The following CSMD1 variants were observed in gnomAD, a reference collection of about 807,000 sequenced individuals.
CSMD1 encodes CUB and sushi domain-containing protein 1.
CSMD1 carries 213 observed loss-of-function variants against 417.5 expected under a neutral mutation model. The ratio of observed to expected loss-of-function variants is 0.51; its 90% CI spans 0.46 to 0.57. The LOEUF (loss-of-function observed/expected upper bound fraction) is 0.57. CSMD1 is among the 20% of genes least tolerant of loss of function. The pLI, the probability that CSMD1 is intolerant of heterozygous loss-of-function variation, is 0.00. For synonymous variants in CSMD1, 2,862 were observed against 1,736.8 expected (o/e 1.65, Z -16.11); for missense variants, 6,923 against 4,529.7 (o/e 1.53, Z -15.17).
intron 1 of CSMD1, among the ~76,000 whole-genome samples, chr8:4,873,637 CTCCAT>C (rs922297192): frequency 6.6e-5 from 10 of 152,170 alleles, no homozygotes; most frequent in Non-Finnish European, 1.3e-4. Context: ...ATGTTCATTC[CTCCAT>C]TCAACTTTCC....
intron 1 of CSMD1, among the ~76,000 whole-genome samples, chr8:4,741,995 A>G (rs1471059719): frequency 3.3e-5 from 2 of 60,518 alleles, no homozygotes; most frequent in African/African-American, 1.3e-4. Flanking sequence ...GCACCACCAC[A>G]CCCACTTTTT....
At chr8:4,369,673 A>G (rs1802289394) in intron 3 of CSMD1, among the ~76,000 whole-genome samples, 1 of 152,086 alleles carries the variant, frequency 6.6e-6, no homozygotes, top group South Asian at 2.1e-4. Context: ...TGTTGAGTTG[A>G]GCCCTTTATC....
At chr8:2,963,180 C>T (rs760171448) in intron 60 of CSMD1, 42 bp downstream of exon 60, 3 of 1,602,482 alleles carry the variant, frequency 1.9e-6, no homozygotes, top group South Asian at 2.2e-5. Flanking sequence ...GTCCCTGTTG[C>T]AGACCTGCAG....
chr8:3,383,632 A>C (rs1239183523), intron 18 of CSMD1, among the ~76,000 whole-genome samples: 3 of 152,166 alleles, frequency 2.0e-5, no homozygotes, highest in Non-Finnish European at 2.9e-5. Flanking sequence ...AGAGAAGGAG[A>C]AGAACAACTC....
intron 3 of CSMD1, among the ~76,000 whole-genome samples, chr8:4,188,482 C>G (rs184253216): frequency 7.6e-4 from 115 of 152,190 alleles, no homozygotes; most frequent in African/African-American, 2.7e-3. Flanking sequence ...GGTCCATCAA[C>G]CATGGTTAAA....
intron 5 of CSMD1, among the ~76,000 whole-genome samples, chr8:3,996,207 C>A (rs368756172): frequency 6.6e-6 from 1 of 152,174 alleles, no homozygotes; most frequent in Non-Finnish European, 1.5e-5. Context: ...CCCAACCTGA[C>A]ATCTTACTAG....
rs1040738146 is a variant in CSMD1 at position 3,932,173 on chromosome 8, T to C, written c.818+65730A>G. ...TGCTGGAATGAAACTCAGATATTCC[T>C]AACTGTAGACACTGTTTCATCGATA... On this transcript the variant is annotated intron_variant, in intron 5 of 69. Coordinates refer to ENST00000635120, the MANE Select transcript of CSMD1 (RefSeq NM_033225.6). Among the ~76,000 whole-genome samples the C allele has an allele frequency of 6.0e-5, 9 of 150,426 alleles. 2 individuals carry two copies. Among genetic ancestry groups the C allele is most frequent in the African/African-American group, 2.0e-4 (8 of 40,754 alleles).
intron 10 of CSMD1, among the ~76,000 whole-genome samples, chr8:3,535,863 T>C (rs1362426467): frequency 6.6e-6 from 1 of 152,142 alleles, no homozygotes; most frequent in Non-Finnish European, 1.5e-5. Flanking sequence ...TTTGGCCCTG[T>C]TGTAGGTAGA....
At chr8:4,863,958 G>A (rs536743635) in intron 1 of CSMD1, among the ~76,000 whole-genome samples, 1 of 151,860 alleles carries the variant, frequency 6.6e-6, no homozygotes, top group Non-Finnish European at 1.5e-5. Flanking sequence ...TAAATGTCAA[G>A]ACATGATTGA....
At chr8:3,857,169 A>T (rs1804369572) in intron 5 of CSMD1, among the ~76,000 whole-genome samples, 1 of 152,194 alleles carries the variant, frequency 6.6e-6, no homozygotes, top group African/African-American at 2.4e-5. Flanking sequence ...TGGGATAATT[A>T]CATGGGCTTC....
chr8:3,468,338 A>G (rs1224739367), intron 12 of CSMD1, among the ~76,000 whole-genome samples: 1 of 152,160 alleles, frequency 6.6e-6, no homozygotes, highest in African/African-American at 2.4e-5. Context: ...AATTGTAAGT[A>G]TTTTCAGATT....
intron 1 of CSMD1, among the ~76,000 whole-genome samples, chr8:4,806,572 C>T (rs1158967613): frequency 7.2e-5 from 11 of 152,146 alleles, no homozygotes; most frequent in South Asian, 4.1e-4. Context: ...GAAATCTTGA[C>T]GATAATCATA....
At chr8:3,305,716 G>C (rs565707279) in intron 25 of CSMD1, among the ~76,000 whole-genome samples, 4 of 152,256 alleles carry the variant, frequency 2.6e-5, no homozygotes, top group African/African-American at 9.6e-5. Context: ...CAGTCTCACT[G>C]TTGCCCAGGT....
At chr8:4,386,957 A>G (rs1195836760) in intron 3 of CSMD1, among the ~76,000 whole-genome samples, 1 of 152,214 alleles carries the variant, frequency 6.6e-6, no homozygotes, top group South Asian at 2.1e-4. Context: ...ATGAAGTGTA[A>G]TATGTTACGA....
At chr8:4,111,238 C>T (rs1801838702) in intron 3 of CSMD1, among the ~76,000 whole-genome samples, 1 of 152,060 alleles carries the variant, frequency 6.6e-6, no homozygotes, top group African/African-American at 2.4e-5. Flanking sequence ...CACGTCTTTG[C>T]TTTCTATTAT....
At chr8:4,750,730 G>C (rs901918913) in intron 1 of CSMD1, among the ~76,000 whole-genome samples, 1 of 151,198 alleles carries the variant, frequency 6.6e-6, no homozygotes, top group Non-Finnish European at 1.5e-5. Context: ...ACTTTTGTCA[G>C]TAAATACCGA....
chr8:3,074,423 G>A (rs1027195897), intron 49 of CSMD1, among the ~76,000 whole-genome samples: 2 of 152,182 alleles, frequency 1.3e-5, no homozygotes, highest in African/African-American at 2.4e-5. Context: ...TCTACCCAGG[G>A]CGTCGGTCAC....
At chr8:3,991,771 G>A (rs924094045) in intron 5 of CSMD1, among the ~76,000 whole-genome samples, 7 of 152,116 alleles carry the variant, frequency 4.6e-5, no homozygotes, top group African/African-American at 1.7e-4. Flanking sequence ...TTTAAAAGGA[G>A]GAGGAAATAT....
intron 3 of CSMD1, among the ~76,000 whole-genome samples, chr8:4,376,099 G>A (rs528630675): frequency 1.3e-5 from 2 of 152,330 alleles, no homozygotes; most frequent in South Asian, 4.1e-4. Flanking sequence ...TCATAACTAA[G>A]TAGGACTCAG....
Sources: allele counts gnomAD v4.1 joint callset (sites outside exome capture counted in the v4.1 genomes callset), GRCh38; gene constraint gnomAD v4.1.1; transcripts MANE v1.5; gene names NCBI Gene and HGNC (gene_info 2026-07-23, HGNC 2026-07-21).